Variants in CLCN1 observed in about 807,000 individuals in gnomAD.
CLCN1 encodes chloride voltage-gated channel 1, also known as chloride channel protein 1.
CLCN1 carries 100 observed loss-of-function variants against 114.5 expected under a neutral mutation model. The ratio of observed to expected loss-of-function variants is 0.87; its 90% confidence interval spans 0.74 to 1.03. The LOEUF (loss-of-function observed/expected upper bound fraction) is 1.03, where lower values mean the gene tolerates loss of function less well. CLCN1 is among the 50% of genes least tolerant of loss of function. CLCN1 has a pLI of 0.00. For synonymous variants in CLCN1, 485 were observed against 487.1 expected, an observed-to-expected ratio of 1.00 and a Z score of 0.06; for missense variants, 1,188 against 1,250.0, an observed-to-expected ratio of 0.95 and a Z score of 0.75.
rs1415954354 is a variant in CLCN1 at position 143,316,382 on chromosome 7, A to G, written c.170A>G (p.His57Arg). ...GATGCAGGCCCCCGCCACAACGTCC[A>G]CCCCACACAGGTAAAGTGCTCTAAG... ...RKDAGPRHNV[H>R]PTQIYGHHKE... is the part of the protein sequence containing the mutation. Residue 57 changes from histidine to arginine, a missense_variant, in exon 1 of 23, where the codon CAC (histidine) becomes CGC (arginine). Physicochemically the swap from His to Arg is conservative, Grantham distance 29. Transcript: ENST00000343257. 6.2e-7 allele frequency: 1 copy of G among 1,612,964 alleles called. No homozygotes were observed. The highest frequency in any genetic ancestry group is 8.5e-7 in the Non-Finnish European group (1 of 1,179,968).
chr7:143,347,147 A>T (rs1473171448), intron 20 of CLCN1, among the ~76,000 whole-genome samples, 198 bp downstream of exon 20: 2 of 152,206 alleles, frequency 1.3e-5, no homozygotes, highest in Non-Finnish European at 2.9e-5. Flanking sequence ...TCTCAGAAGG[A>T]CACGTCATTT....
At position 143,350,804 on chromosome 7, in the gene CLCN1, T is replaced by G. The variant is rs1292515535; in HGVS notation, c.2595+150T>G. On this transcript the variant is annotated intron_variant, in intron 22 of 22. Coordinates refer to ENST00000343257, the MANE Select transcript of CLCN1 (RefSeq NM_000083.3). The surrounding 1 kb of genome is among the most constrained non-coding windows in gnomAD (Gnocchi z 5.1). ...TCTTTTTTTTTTTTTTGAGACAGAGTTTCACTCTTGTCGCCCAGGCTGGAG... is the reference window on the plus strand; with the variant it reads ...TCTTTTTTTTTTTTTTGAGACAGAGGTTCACTCTTGTCGCCCAGGCTGGAG... 6.1e-6 allele frequency: 4 copies of G among 654,402 alleles called. No individual in the cohort carries two copies. The African/African-American group carries it at 7.3e-5, about 12-fold the overall frequency. 40.5% of individuals were successfully genotyped at this position (654,402 alleles called of 1,614,324 possible). A position where few individuals can be genotyped will look rare whatever the true frequency, so the allele number is the denominator to read the frequency against.
chr7:143,344,730 A>G (rs1471073438), intron 16 of CLCN1, among the ~76,000 whole-genome samples: 1 of 146,412 alleles, frequency 6.8e-6, no homozygotes, highest in Non-Finnish European at 1.5e-5. Context: ...AAAAGTAGGC[A>G]TTTTGATTTA....
At chr7:143,327,120 C>T (rs1563076836) in intron 7 of CLCN1, among the ~76,000 whole-genome samples, 1 of 151,978 alleles carries the variant, frequency 6.6e-6, no homozygotes, top group Non-Finnish European at 1.5e-5. Flanking sequence ...GTGGCAGGCA[C>T]TTGTAGTCCC....
chr7:143,346,566 C>T lies in CLCN1; in HGVS notation c.2285-13C>T, dbSNP rs1410860953. The T allele has an allele frequency of 1.2e-6, 2 of 1,605,178 alleles. No individual in the cohort carries two copies. Among genetic ancestry groups the T allele is most frequent in the Admixed American group, 1.7e-5 (1 of 60,018 alleles). ...CTTTGTGTCCATTTCCATCCACTCA[C>T]CTGTCCTCTCAGGTCAAAGACCCTC... is the stretch of plus-strand genomic sequence containing the variant. On this transcript the variant is annotated splice_polypyrimidine_tract_variant and intron_variant, in intron 18 of 22. Transcript: ENST00000343257.
At chr7:143,317,575 CTTTCT>C (rs1041760916) in intron 1 of CLCN1, among the ~76,000 whole-genome samples, 21 of 150,016 alleles carry the variant, frequency 1.4e-4, no homozygotes, top group African/African-American at 5.1e-4. Context: ...GCTTTTTTTT[CTTTCT>C]TTTTTTTTTT....
intron 2 of CLCN1, 82 bp from the exon 3 acceptor site, chr7:143,320,582 T>C: frequency 8.4e-7 from 1 of 1,189,644 alleles, no homozygotes; most frequent in Non-Finnish European, 1.2e-6. Context: ...TCTCTCTCTC[T>C]CTCTGTCTCT....
Position 143,337,074 on chromosome 7 carries a change from T to C in CLCN1, c.1402-2179T>C, listed in dbSNP as rs866954724. ...CCTATCTGCAGACAATCTGATGTGG[T>C]AGCTTCCAGTGGGGTCTGGTCATCT... On this transcript the variant is annotated intron_variant, in intron 12 of 22. Transcript: ENST00000343257. Among the ~76,000 whole-genome samples, 3 of 152,360 alleles carry C rather than the reference T, an allele frequency of 2.0e-5. No homozygotes were observed. In the South Asian group the frequency reaches 6.2e-4, roughly 32 times the overall value.
At position 143,351,884 on chromosome 7, in the gene CLCN1, G is replaced by A; in HGVS notation, c.2886G>A (p.Leu962=). 4 of 1,614,130 alleles carry A rather than the reference G, an allele frequency of 2.5e-6. No homozygotes were observed. Among genetic ancestry groups the A allele is most frequent in the Non-Finnish European group, 3.4e-6 (4 of 1,180,012 alleles). ...TGGAGCTGGTGGAGAGTCCAGGGCT[G>A]GAAGAGGAGCTGGCCGACATCTTGC... The part of the protein sequence containing the change: ...EELELVESPG[L]EEELADILQG... The change falls in exon 23 of 23, where the codon CTG becomes CTA. Residue 962 remains leucine, a synonymous_variant. Transcript: ENST00000343257.
At chr7:143,340,818 C>A (rs1803056683) in intron 14 of CLCN1, among the ~76,000 whole-genome samples, 1 of 152,226 alleles carries the variant, frequency 6.6e-6, no homozygotes, top group Non-Finnish European at 1.5e-5. Context: ...CAGGCATAAG[C>A]CACCATGCCC....
chr7:143,351,633 C>T lies in CLCN1; in HGVS notation c.2635C>T (p.Gln879Ter), dbSNP rs1057518917. Residue 879 changes from glutamine to a stop codon, truncating the protein, a stop_gained, in exon 23 of 23, where the codon CAG becomes TAG. Coordinates refer to ENST00000343257, the MANE Select transcript of CLCN1 (RefSeq NM_000083.3). LOFTEE classifies it high-confidence loss of function. ...AIEGHTKSGVQLRPPLASFRN... is the reference protein window; with the variant it reads ...AIEGHTKSGV ...TGAGGGGCACACCAAGTCTGGGGTG[C>T]AGCTCCGCCCTCCCCTTGCCAGCTT... is the stretch of plus-strand genomic sequence containing the variant. 5.6e-6 allele frequency: 9 copies of T among 1,614,046 alleles called. No individual in the cohort carries two copies. The African/African-American group carries it at 9.3e-5, about 17-fold the overall frequency.
chr7:143,331,252 A>G lies in CLCN1; in HGVS notation c.1000A>G (p.Arg334Gly), dbSNP rs772084781. 3 of 1,613,352 alleles carry G rather than the reference A, an allele frequency of 1.9e-6. No homozygotes were observed. In the East Asian group the frequency reaches 6.7e-5, roughly 36 times the overall value. The change falls in exon 9 of 23, where the codon AGA (arginine) becomes GGA (glycine). Residue 334 changes from arginine (R) to glycine (G), a missense_variant. Physicochemically the swap from Arg to Gly is moderately radical, Grantham distance 125. Transcript: ENST00000343257. Reference sequence around the variant, plus strand: ...TACAGTCACCATCACTGCTCTGTTCAGAACCAATTTCCGAATGGATTTCCC... The same window carrying G: ...TACAGTCACCATCACTGCTCTGTTCGGAACCAATTTCCGAATGGATTTCCC... ...KDAVTITALF[R>G]TNFRMDFPFD...
intron 20 of CLCN1, among the ~76,000 whole-genome samples, chr7:143,348,030 T>A (rs941814183): frequency 6.6e-6 from 1 of 152,154 alleles, no homozygotes; most frequent in Non-Finnish European, 1.5e-5. Context: ...ACGTAAAGCT[T>A]GTAAAGTATG....
intron 16 of CLCN1, 70 bp downstream of exon 16, chr7:143,342,575 G>A: frequency 1.3e-6 from 2 of 1,532,120 alleles, no homozygotes; most frequent in South Asian, 1.1e-5. Flanking sequence ...GGTAGAGGAG[G>A]CCCCATGGTG....
rs981210000 is a variant in CLCN1 at position 143,339,757 on chromosome 7, C to T, written c.1582+136C>T. ...AGTGCTACTTAACTCAACTTTTACT[C>T]AGATAACATACCCATGGCTCTGACT... On this transcript the variant is annotated intron_variant, in intron 14 of 22. Transcript: ENST00000343257. The surrounding 1 kb of genome is among the most constrained non-coding windows in gnomAD (Gnocchi z 4.1). The T allele has an allele frequency of 1.4e-6, 1 of 699,240 alleles. No individual in the cohort carries two copies. Among genetic ancestry groups the T allele is most frequent in the Non-Finnish European group, 2.6e-6 (1 of 383,008 alleles). The allele number at this position is 699,240 out of a possible 1,614,324, so 43.3% of individuals were successfully genotyped here.
In CLCN1 at chr7:143,321,360, C is replaced by CGCA. The variant is rs753470655; in HGVS notation, c.434-2_434dup. 8.9e-5 allele frequency: 143 copies of CGCA among 1,614,048 alleles called. No homozygotes were observed. Among genetic ancestry groups the CGCA allele is most frequent in the Non-Finnish European group, 1.1e-4 (133 of 1,180,024 alleles). On this transcript the variant is annotated splice_region_variant and splice_polypyrimidine_tract_variant and intron_variant, in intron 3 of 22. Transcript: ENST00000343257. This position sits in a 1 kb window ranked among gnomAD's most constrained non-coding sequence, Gnocchi z 4.2. ...CTGCCTAACCCCAGGCATGTGTCTC[C>CGCA]GCAGCCTACAAGTGGTCCTACGCGC...
At position 143,330,762 on chromosome 7, in the gene CLCN1, G is replaced by C; in HGVS notation, c.854-10G>C. 1.2e-6 allele frequency: 2 copies of C among 1,613,960 alleles called. No individual in the cohort carries two copies. The highest frequency in any genetic ancestry group is 1.7e-6 in the Non-Finnish European group (2 of 1,179,966). ...TGGCTGCCCCCAACCACACTTCTGT[G>C]CCCCTGCAGGAGTGCTATTTAGCAT... On this transcript the variant is annotated splice_polypyrimidine_tract_variant and intron_variant, in intron 7 of 22. Coordinates refer to ENST00000343257, the MANE Select transcript of CLCN1 (RefSeq NM_000083.3).
At chr7:143,346,353 T>TGGGGGGGGGGGGG in intron 18 of CLCN1, 102 bp downstream of exon 18, 1 of 703,662 alleles carries the variant, frequency 1.4e-6, no homozygotes, top group Admixed American at 2.1e-5. Flanking sequence ...CGGGGTGGGG[T>TGGGGGGGGGGGGG]GGGGGGTGAG....
chr7:143,324,334 C>G lies in CLCN1; in HGVS notation c.775-80C>G. 2.0e-6 allele frequency: 2 copies of G among 1,008,080 alleles called. No homozygotes were observed. The highest frequency in any genetic ancestry group is 3.2e-6 in the Non-Finnish European group (2 of 628,756). The allele number at this position is 1,008,080 out of a possible 1,614,324, so 62.4% of individuals were successfully genotyped here. Reference sequence around the variant, plus strand: ...TTAGGCCTCTCATTCTGCCTTATTCCCCATCCCTGCTTGTTCTGTCCTCTG... The same window carrying G: ...TTAGGCCTCTCATTCTGCCTTATTCGCCATCCCTGCTTGTTCTGTCCTCTG... On this transcript the variant is annotated intron_variant, in intron 6 of 22. Transcript: ENST00000343257. This position sits in a 1 kb window ranked among gnomAD's most constrained non-coding sequence, Gnocchi z 4.6.
Sources: allele counts gnomAD v4.1 joint callset (sites outside exome capture counted in the v4.1 genomes callset), GRCh38; gene constraint gnomAD v4.1.1; non-coding constraint Gnocchi (gnomAD v3.1); transcripts MANE v1.5; gene names NCBI Gene and HGNC (gene_info 2026-07-23, HGNC 2026-07-21).